The following ERCC8 variants were observed in gnomAD, a reference collection of about 807,000 sequenced individuals.
ERCC8 encodes the protein ERCC excision repair 8, CSA ubiquitin ligase complex subunit.
ERCC8 carries 52 observed loss-of-function variants against 54.9 expected under a neutral mutation model. The observed-to-expected ratio is 0.95, with a 90% CI of 0.76 to 1.19. ERCC8 has a LOEUF of 1.19. ERCC8 is among the 50% of genes most tolerant of loss of function. ERCC8 has a pLI of 0.00. For missense variants in ERCC8, 514 were observed against 466.1 expected, an observed-to-expected ratio of 1.10 and a Z score of -0.95; for synonymous variants, 146 against 157.2, an observed-to-expected ratio of 0.93 and a Z score of 0.53.
chr5:60,904,684 A>ATATATATATATATAT (rs1749016928), intron 5 of ERCC8, 108 bp downstream of exon 5: 1 of 243,358 alleles, frequency 4.1e-6, no homozygotes, highest in African/African-American at 2.7e-5. Flanking sequence ...ATATATATAT[A>ATATATATATATATAT]AAATTGTGAT....
In ERCC8 at chr5:60,902,446, C is replaced by G. The variant is rs121434326; in HGVS notation, c.613G>C (p.Ala205Pro). The G allele has an allele frequency of 9.9e-6, 16 of 1,610,286 alleles. No individual in the cohort carries two copies. In the Admixed American group the frequency reaches 2.7e-4, roughly 27 times the overall value. The change falls in exon 7 of 12, where the codon GCA becomes CCA. Residue 205 changes from alanine (A) to proline (P), a missense_variant. Transcript: ENST00000676185. ...AGCAAATAAGTTAAATTTTACCTTG[C>G]TGTTGCCAAGATATAGTCATAACGT... Reference protein sequence around the residue: ...SPRYDYILATASADSRVKLWD... With the variant: ...SPRYDYILATPSADSRVKLWD...
At position 60,891,018 on chromosome 5, in the gene ERCC8, A is replaced by T; in HGVS notation, c.912T>A (p.Ser304Arg). Residue 304 changes from serine (S) to arginine (R), a missense_variant, in exon 10 of 12, where the codon AGT (serine) becomes AGA (arginine). Transcript: ENST00000676185. ...CATATGGTACAAAAACAAATTCTGA[A>T]CTGCAGCCACAGGAGACAGTGAATT... ...GLKFTVSCGC[S>R]SEFVFVPYGS... is the part of the protein sequence containing the mutation. 6.2e-7 allele frequency: 1 copy of T among 1,613,576 alleles called. No individual in the cohort carries two copies. Among genetic ancestry groups the T allele is most frequent in the Non-Finnish European group, 8.5e-7 (1 of 1,179,754 alleles).
chr5:60,932,417 T>C (rs1334648203), intron 1 of ERCC8, among the ~76,000 whole-genome samples: 2 of 152,186 alleles, frequency 1.3e-5, no homozygotes, highest in African/African-American at 4.8e-5. Flanking sequence ...CCTGCTCTAC[T>C]TTTGGGAGTC....
chr5:60,876,289 T>A (rs1200815665), intron 11 of ERCC8, among the ~76,000 whole-genome samples: 1 of 152,228 alleles, frequency 6.6e-6, no homozygotes, highest in East Asian at 1.9e-4. Context: ...CTGATGGACA[T>A]TTGGGTTGGT....
intron 4 of ERCC8, among the ~76,000 whole-genome samples, chr5:60,906,996 G>A (rs952329030): frequency 1.3e-5 from 2 of 152,174 alleles, no homozygotes; most frequent in Non-Finnish European, 2.9e-5. Context: ...CCATGAGCCA[G>A]ACTTGCCCAT....
At chr5:60,910,427 A>G (rs1749223927) in intron 4 of ERCC8, among the ~76,000 whole-genome samples, 1 of 152,170 alleles carries the variant, frequency 6.6e-6, no homozygotes, top group South Asian at 2.1e-4. Context: ...AAATCTTCTA[A>G]GAGTCTGATA....
At chr5:60,913,338 G>C (rs1749330775) in intron 4 of ERCC8, among the ~76,000 whole-genome samples, 3 of 152,028 alleles carry the variant, frequency 2.0e-5, no homozygotes, top group Admixed American at 2.0e-4. Flanking sequence ...TGTGTGTCGA[G>C]GAATTTATCC....
At position 60,884,015 on chromosome 5, in the gene ERCC8, A is replaced by C. The variant is rs552294351; in HGVS notation, c.1122+3425T>G. Among the ~76,000 whole-genome samples, 68 of 152,334 alleles carry C rather than the reference A, an allele frequency of 4.5e-4. No individual in the cohort carries two copies. The South Asian group carries it at 5.6e-3, about 13-fold the overall frequency. ...AGGAGAAACACCCCTAAGGGATTAC[A>C]TCTTGATTGATGGGGAGGTAACTCT... On this transcript the variant is annotated intron_variant, in intron 11 of 11. Transcript: ENST00000676185.
At chr5:60,943,352 T>C (rs1269442080) in intron 1 of ERCC8, among the ~76,000 whole-genome samples, 1 of 152,242 alleles carries the variant, frequency 6.6e-6, no homozygotes, top group African/African-American at 2.4e-5. Flanking sequence ...CAGTCTGATA[T>C]GAATTTCAGT....
At chr5:60,904,683 T>TATATATAA (rs1749016627) in intron 5 of ERCC8, 109 bp downstream of exon 5, 1 of 232,426 alleles carries the variant, frequency 4.3e-6, no homozygotes, top group Non-Finnish European at 8.4e-6. Flanking sequence ...TATATATATA[T>TATATATAA]AAAATTGTGA....
intron 11 of ERCC8, among the ~76,000 whole-genome samples, chr5:60,877,931 G>A (rs1455056209): frequency 6.6e-6 from 1 of 152,124 alleles, no homozygotes; most frequent in Non-Finnish European, 1.5e-5. Context: ...GGTGAGAGAG[G>A]GCATCCCTGT....
In ERCC8 at chr5:60,874,262, A is replaced by G. The variant is rs1747931618; in HGVS notation, c.*353T>C. ...GGCTGATAGTACAGCAAGTAAGAGA[A>G]AGTCAATACTGATGGCCTCCACTTG... On this transcript the variant is annotated 3_prime_UTR_variant, in exon 12 of 12. Transcript: ENST00000676185. 5.4e-6 allele frequency: 1 copy of G among 186,236 alleles called. No homozygotes were observed. The highest frequency in any genetic ancestry group is 2.3e-5 in the African/African-American group (1 of 42,642). The allele number at this position is 186,236 out of a possible 1,614,324, so 11.5% of individuals were successfully genotyped here.
chr5:60,881,461 A>C (rs1275040765), intron 11 of ERCC8, among the ~76,000 whole-genome samples: 1 of 152,130 alleles, frequency 6.6e-6, no homozygotes, highest in Non-Finnish European at 1.5e-5. Context: ...CCCAGAGGTG[A>C]AGTCTACAGA....
chr5:60,889,624 T>C (rs1396055058), intron 10 of ERCC8, among the ~76,000 whole-genome samples: 1 of 152,222 alleles, frequency 6.6e-6, no homozygotes, highest in Non-Finnish European at 1.5e-5. Context: ...TAATCCATTC[T>C]AGGCACACCT....
intron 4 of ERCC8, among the ~76,000 whole-genome samples, chr5:60,913,824 T>C (rs1009461362): frequency 2.0e-5 from 3 of 152,140 alleles, no homozygotes; most frequent in Non-Finnish European, 4.4e-5. Context: ...AAGAACATCT[T>C]TATTTCTGCC....
intron 2 of ERCC8, among the ~76,000 whole-genome samples, chr5:60,926,411 T>C (rs988689033): frequency 5.3e-5 from 8 of 152,190 alleles, no homozygotes; most frequent in East Asian, 1.9e-4. Flanking sequence ...CAGTCACAAA[T>C]AGTTCATGAA....
rs536134017 is a variant in ERCC8 at position 60,919,270 on chromosome 5, G to A, written c.276-882C>T. On this transcript the variant is annotated intron_variant, in intron 3 of 11. Transcript: ENST00000676185. ...TAATTATGAGGGTGGATGGGTGGGA[G>A]GTAGAGATGAAACAAGATTGGTTAT... 17 of 152,128 alleles carry A rather than the reference G, an allele frequency of 1.1e-4. 1 individual carries two copies. Among genetic ancestry groups the A allele is most frequent in the African/African-American group, 4.1e-4 (17 of 41,534 alleles). 9.4% of individuals were successfully genotyped at this position (152,128 alleles called of 1,614,324 possible). A position where few individuals can be genotyped will look rare whatever the true frequency, so the allele number is the denominator to read the frequency against.
At chr5:60,892,503 T>A (rs1349481281) in intron 9 of ERCC8, 5 of 589,986 alleles carry the variant, frequency 8.5e-6, no homozygotes, top group Non-Finnish European at 1.6e-5. Context: ...GCTCACCCAG[T>A]CAGCTAGGAC....
chr5:60,942,267 A>C (rs893844788), intron 1 of ERCC8, among the ~76,000 whole-genome samples: 2 of 152,194 alleles, frequency 1.3e-5, no homozygotes, highest in African/African-American at 4.8e-5. Flanking sequence ...TTTCTTAAAA[A>C]GTAAAGGATT....
Sources: gnomAD v4.1 joint callset for allele counts (sites outside exome capture counted in the v4.1 genomes callset) on GRCh38, gnomAD v4.1.1 for gene constraint, MANE v1.5 for transcripts, NCBI Gene and HGNC (gene_info 2026-07-23, HGNC 2026-07-21) for gene names.